The following S100Z variants were observed in gnomAD, a reference collection of about 807,000 sequenced individuals.
The protein encoded by S100Z is S100 calcium binding protein Z.
In S100Z, 11 loss-of-function variants were observed where a neutral mutation model predicts 8.5. That is an observed-to-expected ratio of 1.30 (90% CI 0.82 to 2.15). The LOEUF is 2.15. S100Z is among the 30% of genes most tolerant of loss of function. The pLI is 0.00. For synonymous variants in S100Z, 34 were observed against 43.8 expected (o/e 0.78, Z 0.89); for missense variants, 126 against 117.9 (o/e 1.07, Z -0.32).
intron 4 of S100Z, among the ~76,000 whole-genome samples, chr5:76,913,830 C>T (rs888078985): frequency 1.6e-4 from 25 of 152,150 alleles, no homozygotes; most frequent in Admixed American, 7.9e-4. Flanking sequence ...AGGGATAGTA[C>T]GAGATGCTGC....
At chr5:76,851,600 C>CA (rs149921822) in intron 1 of S100Z, among the ~76,000 whole-genome samples, 1 of 151,496 alleles carries the variant, frequency 6.6e-6, no homozygotes, top group African/African-American at 2.4e-5. Flanking sequence ...ACTGGAGCAG[C>CA]AAAAAAAGGG....
intron 4 of S100Z, among the ~76,000 whole-genome samples, chr5:76,879,347 G>A (rs547205724): frequency 6.6e-6 from 1 of 152,016 alleles, no homozygotes; most frequent in Non-Finnish European, 1.5e-5. Flanking sequence ...CTCATTATGT[G>A]GGGGGAAAAA....
intron 1 of S100Z, among the ~76,000 whole-genome samples, chr5:76,857,681 A>G (rs1750925003): frequency 6.6e-6 from 1 of 152,026 alleles, no homozygotes; most frequent in Non-Finnish European, 1.5e-5. Flanking sequence ...GTATTTTTTT[A>G]GGAGAGACGG....
At chr5:76,880,128 G>A (rs1231390483) in intron 4 of S100Z, among the ~76,000 whole-genome samples, 3 of 152,186 alleles carry the variant, frequency 2.0e-5, no homozygotes, top group Non-Finnish European at 4.4e-5. Flanking sequence ...GGGGAGAATT[G>A]CAAAGAACTT....
intron 4 of S100Z, among the ~76,000 whole-genome samples, chr5:76,889,558 C>A (rs1015746402): frequency 1.3e-5 from 2 of 152,048 alleles, no homozygotes; most frequent in African/African-American, 4.8e-5. Flanking sequence ...ACCTTCTAGT[C>A]CAGGATAGAC....
intron 4 of S100Z, among the ~76,000 whole-genome samples, chr5:76,885,316 A>G (rs1049723377): frequency 1.3e-5 from 2 of 151,478 alleles, no homozygotes; most frequent in Non-Finnish European, 2.9e-5. Context: ...GAAAGTGGAG[A>G]AGGGGTGGGA....
At chr5:76,904,411 G>C (rs531265736) in intron 4 of S100Z, among the ~76,000 whole-genome samples, 4 of 152,270 alleles carry the variant, frequency 2.6e-5, no homozygotes, top group East Asian at 3.9e-4. Context: ...CTCCTGAGCA[G>C]CTGGGATCAC....
chr5:76,877,299 C>T (rs1019659904), intron 3 of S100Z, among the ~76,000 whole-genome samples: 9 of 152,084 alleles, frequency 5.9e-5, no homozygotes, highest in African/African-American at 2.2e-4. Context: ...CAAATTCGCT[C>T]GTTGGTATTT....
the S100Z span, among the ~76,000 whole-genome samples, chr5:76,936,616 TACACACACACACACACACAC>T: frequency 1.5e-5 from 2 of 134,138 alleles, no homozygotes; most frequent in Admixed American, 7.7e-5. Flanking sequence ...TTAAAGTTCC[TACACACACACACACACACAC>T]ACACACACAC....
At chr5:76,930,503 G>A in the S100Z span, among the ~76,000 whole-genome samples, 5 of 152,176 alleles carry the variant, frequency 3.3e-5, no homozygotes, top group East Asian at 9.7e-4. Context: ...TCACAGTGTG[G>A]GTTTCAGGAC....
intron 1 of S100Z, among the ~76,000 whole-genome samples, chr5:76,867,866 G>A (rs1484137557): frequency 6.6e-6 from 1 of 152,190 alleles, no homozygotes; most frequent in Non-Finnish European, 1.5e-5. Flanking sequence ...ACAGGCGTGA[G>A]CCACTGCGGC....
chr5:76,860,580 T>C (rs932631959), intron 1 of S100Z, among the ~76,000 whole-genome samples: 27 of 152,124 alleles, frequency 1.8e-4, no homozygotes, highest in African/African-American at 6.5e-4. Flanking sequence ...AATAATCAGA[T>C]ATGCTCCAAG....
At chr5:76,868,307 G>A (rs1291250190) in intron 1 of S100Z, among the ~76,000 whole-genome samples, 3 of 151,812 alleles carry the variant, frequency 2.0e-5, no homozygotes, top group Admixed American at 6.6e-5. Context: ...ATGTACCAAA[G>A]GATATATTTA....
the S100Z span, among the ~76,000 whole-genome samples, chr5:76,927,092 A>G: frequency 6.6e-6 from 1 of 152,226 alleles, no homozygotes; most frequent in African/African-American, 2.4e-5. Context: ...TAGTAGTAAC[A>G]TAAGACATCA....
Position 76,863,596 on chromosome 5 carries a change from T to C in S100Z, c.-175-6570T>C, listed in dbSNP as rs896699199. ...CTCTGTTGCCCAGGCTGGAGTGCAGTGGCGCGATCTCGGCTCACTGCAAGC... is the reference window on the plus strand; with the variant it reads ...CTCTGTTGCCCAGGCTGGAGTGCAGCGGCGCGATCTCGGCTCACTGCAAGC... On this transcript the variant is annotated intron_variant, in intron 1 of 4. Transcript: ENST00000317593. Among the ~76,000 whole-genome samples, 61 of 152,190 alleles carry C rather than the reference T, an allele frequency of 4.0e-4. 1 individual carries two copies. The highest frequency in any genetic ancestry group is 1.3e-3 in the African/African-American group (55 of 41,432).
rs111648836 is a variant in S100Z at position 76,906,966 on chromosome 5, T to TTGTG, written c.*3-13743_*3-13740dup. Among the ~76,000 whole-genome samples, 69 of 58,792 alleles carry TTGTG rather than the reference T, an allele frequency of 1.2e-3. 1 individual carries two copies. Among genetic ancestry groups the TTGTG allele is most frequent in the South Asian group, 3.2e-3 (6 of 1,848 alleles). 38.6% of individuals were successfully genotyped at this position (58,792 alleles called of 152,430 possible). On this transcript the variant is annotated intron_variant, in intron 4 of 4. Transcript: ENST00000317593. ...TTTTTAAAGGCTGAATAGTATTCCATTGTGTGTGTGTATATATATATATAT... is the reference window on the plus strand; with the variant it reads ...TTTTTAAAGGCTGAATAGTATTCCATTGTGTGTGTGTGTGTATATATATATATAT...
chr5:76,854,674 G>T (rs1750830567), intron 1 of S100Z, among the ~76,000 whole-genome samples: 1 of 152,222 alleles, frequency 6.6e-6, no homozygotes, highest in African/African-American at 2.4e-5. Flanking sequence ...TGGAAAATTT[G>T]CAGCCTAGCC....
intron 1 of S100Z, among the ~76,000 whole-genome samples, chr5:76,855,169 G>A (rs1246726389): frequency 5.3e-5 from 8 of 152,196 alleles, no homozygotes; most frequent in South Asian, 4.1e-4. Flanking sequence ...CATAGAGAAC[G>A]TCTGCAAAGG....
At chr5:76,884,446 T>C (rs964525026) in intron 4 of S100Z, among the ~76,000 whole-genome samples, 5 of 152,184 alleles carry the variant, frequency 3.3e-5, no homozygotes, top group Admixed American at 6.6e-5. Flanking sequence ...GAGAAAAAAC[T>C]CTTTCCCATT....
Sources: gnomAD v4.1 joint callset for allele counts (sites outside exome capture counted in the v4.1 genomes callset) on GRCh38, gnomAD v4.1.1 for gene constraint, MANE v1.5 for transcripts, NCBI Gene and HGNC (gene_info 2026-07-23, HGNC 2026-07-21) for gene names.